KIAA0586: variants seen among roughly 807,000 people sequenced by gnomAD.
The protein encoded by KIAA0586 is KIAA0586.
A neutral mutation model predicts 169.8 loss-of-function variants in KIAA0586; 144 were observed. That is an observed-to-expected ratio of 0.85 (90% confidence interval 0.74 to 0.97). The LOEUF is 0.97. KIAA0586 is among the 50% of genes least tolerant of loss of function. The probability of loss-of-function intolerance (pLI) is 0.00; values close to 1 mark genes in which losing one functional copy is unlikely to be tolerated. For synonymous variants in KIAA0586, 625 were observed against 612.4 expected, an observed-to-expected ratio of 1.02 and a Z score of -0.30; for missense variants, 1,854 against 1,823.0, an observed-to-expected ratio of 1.02 and a Z score of -0.31.
At chr14:58,449,551 A>G (rs2039180237) in intron 7 of KIAA0586, among the ~76,000 whole-genome samples, 1 of 152,124 alleles carries the variant, frequency 6.6e-6, no homozygotes, top group Admixed American at 6.6e-5. Context: ...ACAAACAACA[A>G]CAACAAAGAA....
chr14:58,530,311 T>G (rs1042413034), intron 29 of KIAA0586, among the ~76,000 whole-genome samples: 1 of 152,200 alleles, frequency 6.6e-6, no homozygotes, highest in African/African-American at 2.4e-5. Context: ...AAGCTACCAA[T>G]GACTTTCTTC....
At position 58,464,157 on chromosome 14, in the gene KIAA0586, A is replaced by C. The variant is rs77229652; in HGVS notation, c.2060-1678A>C. The C allele has an allele frequency of 5.0e-4, 193 of 386,248 alleles. 1 individual carries two copies. In the East Asian group the frequency reaches 9.1e-3, roughly 18 times the overall value. 23.9% of individuals were successfully genotyped at this position (386,248 alleles called of 1,614,324 possible). A position where few individuals can be genotyped will look rare whatever the true frequency, so the allele number is the denominator to read the frequency against. On this transcript the variant is annotated intron_variant, in intron 14 of 30. Transcript: ENST00000652326. ...GTGAAAACAAGATACCTGCCACACA[A>C]AAGAGTTGAGGGTTGCTAATAATTT...
intron 6 of KIAA0586, among the ~76,000 whole-genome samples, chr14:58,448,011 G>A (rs1425730698): frequency 3.3e-5 from 5 of 152,096 alleles, no homozygotes; most frequent in African/African-American, 1.2e-4. Flanking sequence ...TAGGGTGAGG[G>A]CCTCTCCTTC....
At chr14:58,468,114 C>T (rs966123620) in intron 16 of KIAA0586, among the ~76,000 whole-genome samples, 192 bp downstream of exon 16, 1 of 152,152 alleles carries the variant, frequency 6.6e-6, no homozygotes, top group Admixed American at 6.5e-5. Context: ...GGCGCAATCT[C>T]GGCTCACTGC....
intron 27 of KIAA0586, among the ~76,000 whole-genome samples, chr14:58,504,456 C>T (rs1358960351): frequency 2.0e-5 from 3 of 152,164 alleles, no homozygotes; most frequent in Admixed American, 2.0e-4. Flanking sequence ...TTTATACATA[C>T]TGAATTTGTG....
intron 27 of KIAA0586, among the ~76,000 whole-genome samples, chr14:58,506,170 C>T (rs1036874755): frequency 2.0e-5 from 3 of 151,626 alleles, no homozygotes; most frequent in African/African-American, 7.3e-5. Flanking sequence ...AATTCATTTG[C>T]CACTCTTAGA....
At chr14:58,544,319 G>A (rs548458126) in intron 30 of KIAA0586, among the ~76,000 whole-genome samples, 6 of 152,058 alleles carry the variant, frequency 3.9e-5, no homozygotes, top group East Asian at 1.9e-4. Context: ...GAATTGTGCC[G>A]CAGTGAACAT....
At chr14:58,459,505 T>C (rs943796433) in intron 12 of KIAA0586, among the ~76,000 whole-genome samples, 1 of 152,152 alleles carries the variant, frequency 6.6e-6, no homozygotes, top group East Asian at 1.9e-4. Context: ...TTGAAATGTA[T>C]TTTTAATTTT....
At chr14:58,505,947 A>G (rs1387040391) in intron 27 of KIAA0586, among the ~76,000 whole-genome samples, 3 of 152,252 alleles carry the variant, frequency 2.0e-5, no homozygotes, top group African/African-American at 7.2e-5. Flanking sequence ...CCGTGCTTTC[A>G]TGGCTTGATT....
intron 3 of KIAA0586, among the ~76,000 whole-genome samples, chr14:58,431,338 C>T (rs1352116869): frequency 2.0e-5 from 3 of 152,174 alleles, no homozygotes; most frequent in Non-Finnish European, 2.9e-5. Context: ...TCTCAGCTCA[C>T]TGCAACCTCC....
chr14:58,445,126 T>C (rs1005189291), intron 6 of KIAA0586, among the ~76,000 whole-genome samples: 13 of 144,238 alleles, frequency 9.0e-5, no homozygotes, highest in Admixed American at 6.3e-4. Context: ...CACACATACA[T>C]ACACACACAC....
chr14:58,449,830 T>A (rs1280340258), intron 7 of KIAA0586, among the ~76,000 whole-genome samples: 1 of 152,246 alleles, frequency 6.6e-6, no homozygotes. Context: ...TTTTGTTGAT[T>A]GTAAATTGAA....
upstream of KIAA0586, chr14:58,427,477 T>G: frequency 1.0e-6 from 1 of 960,052 alleles, no homozygotes; most frequent in Non-Finnish European, 1.5e-6. Flanking sequence ...AGTCGGGAGC[T>G]CTTCAAGTCT....
At position 58,550,132 on chromosome 14, in the gene KIAA0586, G is replaced by C. The variant is rs2047166402; in HGVS notation, c.*2200G>C. The C allele has an allele frequency of 6.6e-6, 1 of 152,204 alleles. No homozygotes were observed. 9.4% of individuals were successfully genotyped at this position (152,204 alleles called of 1,614,324 possible). On this transcript the variant is annotated 3_prime_UTR_variant, in exon 31 of 31. Coordinates refer to ENST00000652326, the MANE Select transcript of KIAA0586 (RefSeq NM_001329943.3). The stretch of plus-strand genomic sequence containing the variant: ...TCCTGCCTTAGCCTCCTTAGTAGCT[G>C]GGATTACAGGCGTGCGCCACCATGC...
At chr14:58,508,751 T>C (rs892522402) in intron 28 of KIAA0586, 42 bp downstream of exon 28, 9 of 1,496,176 alleles carry the variant, frequency 6.0e-6, no homozygotes, top group Middle Eastern at 1.7e-4. Flanking sequence ...AAAATGAGAA[T>C]TGAAACACTG....
At chr14:58,518,040 A>AT (rs2044891483) in intron 29 of KIAA0586, among the ~76,000 whole-genome samples, 1 of 152,150 alleles carries the variant, frequency 6.6e-6, no homozygotes, top group Non-Finnish European at 1.5e-5. Flanking sequence ...ATATATCTTG[A>AT]TTGGGGTAGT....
chr14:58,515,152 T>C (rs1478715564), intron 29 of KIAA0586, among the ~76,000 whole-genome samples: 2 of 151,908 alleles, frequency 1.3e-5, no homozygotes, highest in South Asian at 2.1e-4. Context: ...TGTTTTATGG[T>C]AAAATGCTGT....
chr14:58,494,819 A>T (rs2043058595), intron 26 of KIAA0586, among the ~76,000 whole-genome samples: 1 of 152,142 alleles, frequency 6.6e-6, no homozygotes. Context: ...CACCATAGCT[A>T]GGCCTTCATG....
the KIAA0586 span, among the ~76,000 whole-genome samples, chr14:58,560,013 T>C: frequency 6.6e-6 from 1 of 152,022 alleles, no homozygotes; most frequent in South Asian, 2.1e-4. Context: ...TAGCTGAGCA[T>C]GATGGCACGC....
Sources: allele counts gnomAD v4.1 joint callset (sites outside exome capture counted in the v4.1 genomes callset), GRCh38; gene constraint gnomAD v4.1.1; transcripts MANE v1.5; gene names NCBI Gene and HGNC (gene_info 2026-07-23, HGNC 2026-07-21).